ZBTB21: variants seen among roughly 807,000 people sequenced by gnomAD.
The protein encoded by ZBTB21 is zinc finger and BTB domain-containing protein 21.
In ZBTB21, 10 loss-of-function variants were observed where a neutral mutation model predicts 39.8. The ratio of observed to expected loss-of-function variants is 0.25; its 90% CI spans 0.16 to 0.43. The LOEUF (loss-of-function observed/expected upper bound fraction) is 0.43. Among genes scored for constraint, ZBTB21 ranks in the 20% least tolerant of loss-of-function variants. The pLI, the probability that ZBTB21 is intolerant of heterozygous loss-of-function variation, is 1.00. For missense variants in ZBTB21, 1,221 were observed against 1,296.3 expected, an observed-to-expected ratio of 0.94 and a Z score of 0.89; for synonymous variants, 551 against 498.8, an observed-to-expected ratio of 1.10 and a Z score of -1.40.
At chr21:42,008,556 A>AAG (rs2065912219) in intron 1 of ZBTB21, among the ~76,000 whole-genome samples, 2 of 131,156 alleles carry the variant, frequency 1.5e-5, no homozygotes, top group African/African-American at 5.1e-5. Context: ...AAAAAAAAAA[A>AAG]AAAAAAGAAA....
At position 41,992,311 on chromosome 21, in the gene ZBTB21, C is replaced by A; in HGVS notation, c.1785G>T (p.Gln595His). The A allele has an allele frequency of 6.2e-7, 1 of 1,614,170 alleles. No homozygotes were observed. Among genetic ancestry groups the A allele is most frequent in the South Asian group, 1.1e-5 (1 of 91,074 alleles). Reference protein sequence around the residue: ...HTNFKVWTHCQTQHGIVKNPS... With the variant: ...HTNFKVWTHCHTQHGIVKNPS... ...GGTTCTTCACTATGCCGTGTTGGGTCTGACAGTGTGTCCACACTTTGAAGT... is the reference window on the plus strand; with the variant it reads ...GGTTCTTCACTATGCCGTGTTGGGTATGACAGTGTGTCCACACTTTGAAGT... Residue 595 changes from glutamine to histidine, a missense_variant, in exon 3 of 3, where the codon CAG becomes CAT. Transcript: ENST00000310826. This position sits in a 1 kb window ranked among gnomAD's most constrained non-coding sequence, Gnocchi z 4.1.
chr21:41,995,255 A>G (rs1230485290), intron 2 of ZBTB21, among the ~76,000 whole-genome samples: 1 of 152,222 alleles, frequency 6.6e-6, no homozygotes, highest in Non-Finnish European at 1.5e-5. Context: ...GAAACTTTGG[A>G]ACTCCCTAGA....
At chr21:41,996,481 C>T (rs963966202) in intron 2 of ZBTB21, among the ~76,000 whole-genome samples, 5 of 152,144 alleles carry the variant, frequency 3.3e-5, no homozygotes, top group Non-Finnish European at 5.9e-5. Flanking sequence ...CCATTTGGAA[C>T]GGCTGTAGTT....
chr21:42,007,678 G>C (rs1339159009), intron 1 of ZBTB21: 1 of 152,116 alleles, frequency 6.6e-6, no homozygotes, highest in Non-Finnish European at 1.5e-5. Flanking sequence ...TTTTACATGT[G>C]TCTCCCCCAA....
chr21:42,002,570 C>G (rs542136820), intron 2 of ZBTB21: 1 of 152,120 alleles, frequency 6.6e-6, no homozygotes, highest in Non-Finnish European at 1.5e-5. Context: ...AGATCTAGAC[C>G]GATAAGTTTG....
Position 41,991,284 on chromosome 21 carries a change from T to C in ZBTB21, c.2812A>G (p.Ile938Val). 2.5e-6 allele frequency: 4 copies of C among 1,613,760 alleles called. No homozygotes were observed. Among genetic ancestry groups the C allele is most frequent in the Non-Finnish European group, 2.5e-6 (3 of 1,179,772 alleles). Reference protein sequence around the residue: ...QELLCSVKPFICHVCNKAFRT... With the variant: ...QELLCSVKPFVCHVCNKAFRT... ...AAAGCTTTGTTGCACACGTGACAAA[T>C]AAATGGTTTCACAGAGCACAGAAGC... The change falls in exon 3 of 3, where the codon ATT (isoleucine) becomes GTT (valine). Residue 938 changes from isoleucine to valine, a missense_variant. Ile to Val is a conservative substitution (Grantham distance 29). Transcript: ENST00000310826. The surrounding 1 kb of genome is among the most constrained non-coding windows in gnomAD (Gnocchi z 4.9).
At chr21:42,008,529 T>C (rs1366381616) in intron 1 of ZBTB21, among the ~76,000 whole-genome samples, 1 of 74,964 alleles carries the variant, frequency 1.3e-5, no homozygotes, top group Non-Finnish European at 2.4e-5. Context: ...GCAACAAGAG[T>C]GAAACTCTGT....
chr21:41,997,597 A>C (rs928720669), intron 2 of ZBTB21, among the ~76,000 whole-genome samples: 1 of 138,048 alleles, frequency 7.2e-6, no homozygotes, highest in African/African-American at 2.7e-5. Context: ...AAACAAAAAA[A>C]CAAAAAAACA....
chr21:41,990,820 T>G lies in ZBTB21; in HGVS notation c.*75A>C. The G allele has an allele frequency of 7.5e-7, 1 of 1,330,410 alleles. No individual in the cohort carries two copies. The highest frequency in any genetic ancestry group is 9.9e-7 in the Non-Finnish European group (1 of 1,012,488). 82.4% of individuals were successfully genotyped at this position (1,330,410 alleles called of 1,614,324 possible). Reference sequence around the variant, plus strand: ...TATTATTCTTGTTTAAAAAATATTTTGTTTCTTATGACACATTTCACAATT... The same window carrying G: ...TATTATTCTTGTTTAAAAAATATTTGGTTTCTTATGACACATTTCACAATT... On this transcript the variant is annotated 3_prime_UTR_variant, in exon 3 of 3. Coordinates refer to ENST00000310826, the MANE Select transcript of ZBTB21 (RefSeq NM_001098402.2).
chr21:42,003,213 G>A (rs1488137048), intron 1 of ZBTB21, among the ~76,000 whole-genome samples: 3 of 152,154 alleles, frequency 2.0e-5, no homozygotes, highest in Admixed American at 6.5e-5. Flanking sequence ...GCCCCAGTAC[G>A]TTCAGCACTT....
chr21:41,993,054 T>C lies in ZBTB21; in HGVS notation c.1042A>G (p.Ser348Gly). 6.2e-7 allele frequency: 1 copy of C among 1,614,254 alleles called. No homozygotes were observed. Among genetic ancestry groups the C allele is most frequent in the Non-Finnish European group, 8.5e-7 (1 of 1,180,050 alleles). ...SLLRRSLSMD[S>G]QVPVYSPSID... is the part of the protein sequence containing the mutation. ...GAAGGTGAATAGACAGGAACCTGGCTATCCATCGACAATGACCGTCTGAGG... is the reference window on the plus strand; with the variant it reads ...GAAGGTGAATAGACAGGAACCTGGCCATCCATCGACAATGACCGTCTGAGG... Residue 348 changes from serine to glycine, a missense_variant, in exon 3 of 3, where the codon AGC (serine) becomes GGC (glycine). Coordinates refer to ENST00000310826, the MANE Select transcript of ZBTB21 (RefSeq NM_001098402.2).
chr21:41,993,839 T>A lies in ZBTB21; in HGVS notation c.257A>T (p.Tyr86Phe). 1.9e-6 allele frequency: 3 copies of A among 1,614,220 alleles called. No individual in the cohort carries two copies. Among genetic ancestry groups the A allele is most frequent in the Non-Finnish European group, 2.5e-6 (3 of 1,180,044 alleles). The change falls in exon 3 of 3, where the codon TAC becomes TTC. Residue 86 changes from tyrosine (Y) to phenylalanine (F), a missense_variant. Coordinates refer to ENST00000310826, the MANE Select transcript of ZBTB21 (RefSeq NM_001098402.2). ...AACAAATAGAGAGGAAGAATAAATG[T>A]AGTTTAAAACATTATCAAAAGCATC... ...EPDAFDNVLN[Y>F]IYSSSLFVEK...
chr21:41,994,800 T>C (rs1569108051), intron 2 of ZBTB21, among the ~76,000 whole-genome samples: 1 of 122,168 alleles, frequency 8.2e-6, no homozygotes, highest in Non-Finnish European at 1.7e-5. Flanking sequence ...TCCTCTTGAA[T>C]TGTAACTCCC....
Position 41,991,251 on chromosome 21 carries a change from T to G in ZBTB21, c.2845A>C (p.Asn949His). 1 of 1,614,164 alleles carries G rather than the reference T, an allele frequency of 6.2e-7. No homozygotes were observed. Among genetic ancestry groups the G allele is most frequent in the Non-Finnish European group, 8.5e-7 (1 of 1,180,024 alleles). Residue 949 changes from asparagine (N) to histidine (H), a missense_variant, in exon 3 of 3, where the codon AAT becomes CAT. Coordinates refer to ENST00000310826, the MANE Select transcript of ZBTB21 (RefSeq NM_001098402.2). This position sits in a 1 kb window ranked among gnomAD's most constrained non-coding sequence, Gnocchi z 4.9. ...CHVCNKAFRT[N>H]FRLWSHFQSH... ...TGGAAGTGACTCCAGAGTCGAAAAT[T>G]AGTGCGAAAAGCTTTGTTGCACACG... is the stretch of plus-strand genomic sequence containing the variant.
chr21:41,991,936 C>T lies in ZBTB21; in HGVS notation c.2160G>A (p.Glu720=), dbSNP rs578152892. ...CATTACAGAGGCGGCACTGGTAAAC[C>T]TCCTTGTTTTCTACTGGACTTGCAA... The part of the protein sequence containing the change: ...APLASPVENK[E]VYQCRLCNAK... The change falls in exon 3 of 3, where the codon GAG becomes GAA. Residue 720 remains glutamate (E), a synonymous_variant. Coordinates refer to ENST00000310826, the MANE Select transcript of ZBTB21 (RefSeq NM_001098402.2). The surrounding 1 kb of genome is among the most constrained non-coding windows in gnomAD (Gnocchi z 4.9). The T allele has an allele frequency of 1.2e-6, 2 of 1,614,070 alleles. No individual in the cohort carries two copies. Among genetic ancestry groups the T allele is most frequent in the African/African-American group, 2.7e-5 (2 of 75,062 alleles).
intron 1 of ZBTB21, among the ~76,000 whole-genome samples, chr21:42,006,712 G>A (rs912844322): frequency 6.6e-6 from 1 of 152,146 alleles, no homozygotes; most frequent in African/African-American, 2.4e-5. Flanking sequence ...TAAAGACTTA[G>A]CCTCCAGTAC....
chr21:42,003,477 T>C (rs1475428258), intron 1 of ZBTB21, among the ~76,000 whole-genome samples: 3 of 151,640 alleles, frequency 2.0e-5, no homozygotes, highest in African/African-American at 7.3e-5. Context: ...GGTGGAAGAG[T>C]GAATAGTGGG....
rs1161108523 is a variant in ZBTB21, at chr21:41,991,332, T to C, written c.2764A>G (p.Lys922Glu). The change falls in exon 3 of 3, where the codon AAG becomes GAG. Residue 922 changes from lysine (K) to glutamate (E), a missense_variant. Lys to Glu is a moderately conservative substitution (Grantham distance 56). Around this residue, in one of 4 missense-constraint regions of ZBTB21, gnomAD observed 523 missense variants for 542.5 expected, o/e 0.96. Coordinates refer to ENST00000310826, the MANE Select transcript of ZBTB21 (RefSeq NM_001098402.2). This position sits in a 1 kb window ranked among gnomAD's most constrained non-coding sequence, Gnocchi z 4.9. ...EKCGKMFTVH[K>E]QLERHQELLC... ...AGCTCCTGGTGACGCTCCAGCTGCT[T>C]ATGCACCGTGAACATCTTCCCACAC... The C allele has an allele frequency of 5.0e-6, 8 of 1,608,564 alleles. No homozygotes were observed. The highest frequency in any genetic ancestry group is 1.3e-5 in the African/African-American group (1 of 74,698).
chr21:41,994,445 T>C (rs1488421740), intron 2 of ZBTB21, among the ~76,000 whole-genome samples: 2 of 152,246 alleles, frequency 1.3e-5, no homozygotes, highest in East Asian at 3.8e-4. Flanking sequence ...ATCCATTTGA[T>C]GCTTGGCACT....
Sources: gnomAD v4.1 joint callset for allele counts (sites outside exome capture counted in the v4.1 genomes callset) on GRCh38, gnomAD v4.1.1 for gene constraint, gnomAD v4.1.1 regional missense constraint, Gnocchi (gnomAD v3.1) non-coding constraint, MANE v1.5 for transcripts, NCBI Gene and HGNC (gene_info 2026-07-23, HGNC 2026-07-21) for gene names.